FBN1: variants seen among roughly 807,000 people sequenced by gnomAD.
The protein encoded by FBN1 is fibrillin 1, also known as fibrillin-1.
A neutral mutation model predicts 365.1 loss-of-function variants in FBN1; 29 were observed. The ratio of observed to expected loss-of-function variants is 0.08; its 90% CI spans 0.06 to 0.11. FBN1 has a LOEUF of 0.11. Ranked by LOEUF, FBN1 falls within the 10% of genes least tolerant of loss-of-function variation. The pLI is 1.00. For synonymous variants in FBN1, 1,210 were observed against 1,270.5 expected (o/e 0.95, Z 1.01); for missense variants, 2,476 against 3,703.2 (o/e 0.67, Z 8.60).
At chr15:48,429,984 T>A (rs1302728255) in intron 56 of FBN1, among the ~76,000 whole-genome samples, 1 of 152,250 alleles carries the variant, frequency 6.6e-6, no homozygotes, top group Non-Finnish European at 1.5e-5. Context: ...GCTTTGTGGG[T>A]CATATGGTCT....
intron 6 of FBN1, among the ~76,000 whole-genome samples, chr15:48,564,338 A>T (rs1367448208): frequency 6.6e-6 from 1 of 152,190 alleles, no homozygotes; most frequent in Non-Finnish European, 1.5e-5. Context: ...TCAATAAAAC[A>T]AACTTATTAG....
At chr15:48,603,064 A>G (rs1370174502) in intron 4 of FBN1, among the ~76,000 whole-genome samples, 1 of 152,244 alleles carries the variant, frequency 6.6e-6, no homozygotes, top group East Asian at 1.9e-4. Flanking sequence ...GTGACTTTAC[A>G]TTATTTGTTC....
intron 2 of FBN1, chr15:48,642,225 A>G (rs1240596465): frequency 1.3e-5 from 2 of 152,300 alleles, no homozygotes; most frequent in Non-Finnish European, 2.9e-5. Context: ...TAAAAATACA[A>G]AAAATTAGCC....
chr15:48,619,487 T>C (rs12594364), intron 2 of FBN1, among the ~76,000 whole-genome samples: 21,071 of 151,834 alleles, frequency 0.14, 1,484 homozygotes, highest in Non-Finnish European at 0.15. Context: ...ATCTCCCCTT[T>C]CCTATCTGCC....
At chr15:48,613,528 C>G (rs1294880467) in intron 2 of FBN1, among the ~76,000 whole-genome samples, 1 of 152,098 alleles carries the variant, frequency 6.6e-6, no homozygotes, top group Non-Finnish European at 1.5e-5. Context: ...CATCTCACCT[C>G]TATAATTTTA....
intron 6 of FBN1, among the ~76,000 whole-genome samples, chr15:48,585,093 T>C (rs1265000511): frequency 2.0e-5 from 3 of 152,374 alleles, no homozygotes; most frequent in Admixed American, 6.5e-5. Flanking sequence ...GAAGAGCTAA[T>C]GTATGTTTAT....
chr15:48,468,450 G>C lies in FBN1; in HGVS notation c.4544C>G (p.Pro1515Arg), dbSNP rs774767316. 1 of 1,614,146 alleles carries C rather than the reference G, an allele frequency of 6.2e-7. No homozygotes were observed. The highest frequency in any genetic ancestry group is 8.5e-7 in the Non-Finnish European group (1 of 1,180,034). The change falls in exon 37 of 66, where the codon CCT (proline) becomes CGT (arginine). Residue 1515 changes from proline (P) to arginine (R), a missense_variant. Pro to Arg is a moderately radical substitution (Grantham distance 103). Around this residue, in one of 5 missense-constraint regions of FBN1, gnomAD observed 1,780 missense variants for 2,840.8 expected, o/e 0.63. Transcript: ENST00000316623. ...TCGAGTTGGGTTCAGTTCAAAATCA[G>C]GTGGGCAGTCACAGATATAGCTGCC... ...TPGSYICDCPPDFELNPTRVG... is the reference protein window; with the variant it reads ...TPGSYICDCPRDFELNPTRVG...
At chr15:48,544,350 T>C (rs1330911432) in intron 6 of FBN1, among the ~76,000 whole-genome samples, 1 of 152,232 alleles carries the variant, frequency 6.6e-6, no homozygotes, top group Admixed American at 6.5e-5. Context: ...AACTGTATTA[T>C]GCAAAATGTT....
chr15:48,502,027 T>G lies in FBN1; in HGVS notation c.2113+1760A>C, dbSNP rs1037890679. Among the ~76,000 whole-genome samples, 93 of 152,080 alleles carry G rather than the reference T, an allele frequency of 6.1e-4. 1 individual carries two copies. Among genetic ancestry groups the G allele is most frequent in the African/African-American group, 2.2e-3 (91 of 41,412 alleles). ...TTTTCTTTAAATAGGCATCCCTCAT[T>G]TCCTTTTTCTTTCTTTATTGAGACA... On this transcript the variant is annotated intron_variant, in intron 17 of 65. Coordinates refer to ENST00000316623, the MANE Select transcript of FBN1 (RefSeq NM_000138.5).
chr15:48,540,536 ACTGT>A (rs907857464), intron 6 of FBN1, among the ~76,000 whole-genome samples: 20 of 152,262 alleles, frequency 1.3e-4, no homozygotes, highest in Admixed American at 2.6e-4. Context: ...TAATTTTCTT[ACTGT>A]CTATCATTTA....
At position 48,412,647 on chromosome 15, in the gene FBN1, G is replaced by A. The variant is rs112642323; in HGVS notation, c.8148C>T (p.Tyr2716=). ...DDNSLSPEAC[Y]ECKINGYPKR... ...TGGGGTAGCCATTGATCTTACACTC[G>A]TAACAAGCCTCTGGGGAGAGTGAAT... Residue 2716 remains tyrosine, a synonymous_variant, in exon 65 of 66, where the codon TAC becomes TAT. Coordinates refer to ENST00000316623, the MANE Select transcript of FBN1 (RefSeq NM_000138.5). The A allele has an allele frequency of 2.5e-5, 41 of 1,614,126 alleles. 1 individual carries two copies. Among genetic ancestry groups the A allele is most frequent in the South Asian group, 1.3e-4 (12 of 91,086 alleles).
At chr15:48,485,856 C>T (rs1204906404) in intron 29 of FBN1, among the ~76,000 whole-genome samples, 1 of 152,160 alleles carries the variant, frequency 6.6e-6, no homozygotes, top group African/African-American at 2.4e-5. Context: ...TACAGTATCA[C>T]AAAAATGGGC....
At chr15:48,467,047 A>G (rs1020173901) in intron 38 of FBN1, among the ~76,000 whole-genome samples, 3 of 152,184 alleles carry the variant, frequency 2.0e-5, no homozygotes, top group African/African-American at 7.2e-5. Flanking sequence ...ATGAATGCTA[A>G]GGAACTTGCC....
At chr15:48,638,617 CTTT>C (rs34665953) in intron 2 of FBN1, among the ~76,000 whole-genome samples, 81 of 138,838 alleles carry the variant, frequency 5.8e-4, no homozygotes, top group Non-Finnish European at 6.6e-4. Flanking sequence ...TACATCAGAG[CTTT>C]TTTTTTTTTT....
chr15:48,417,473 C>CTTCCTTCCTTCCTTCCTTCCTTCCTTCCT (rs1350236230), intron 63 of FBN1, among the ~76,000 whole-genome samples: 2 of 103,878 alleles, frequency 1.9e-5, no homozygotes, highest in East Asian at 3.2e-4. Context: ...CCTTCCTTTC[C>CTTCCTTCCTTCCTTCCTTCCTTCCTTCCT]TTCCTTCCTT....
At chr15:48,420,558 C>A (rs775750074) in intron 63 of FBN1, 129 bp downstream of exon 63, 7 of 1,262,550 alleles carry the variant, frequency 5.5e-6, no homozygotes, top group Non-Finnish European at 6.9e-6. Flanking sequence ...GGGTTTCAAC[C>A]AGGTTAGGGC....
intron 8 of FBN1, 38 bp downstream of exon 8, chr15:48,534,042 C>T (rs779522635): frequency 1.2e-6 from 2 of 1,611,918 alleles, no homozygotes; most frequent in Non-Finnish European, 1.7e-6. Context: ...TGCCTGCCCC[C>T]ACTACACCCC....
intron 34 of FBN1, among the ~76,000 whole-genome samples, chr15:48,473,886 A>T (rs1393334932): frequency 6.6e-6 from 1 of 152,218 alleles, no homozygotes; most frequent in Admixed American, 6.5e-5. Flanking sequence ...ATCATTATAT[A>T]CAGTCATATA....
At chr15:48,416,567 G>C (rs1191717876) in intron 63 of FBN1, 1 of 152,372 alleles carries the variant, frequency 6.6e-6, no homozygotes, top group Non-Finnish European at 1.5e-5. Flanking sequence ...CCACAAGTGA[G>C]ACAGAAGCTG....
Sources: allele counts gnomAD v4.1 joint callset (sites outside exome capture counted in the v4.1 genomes callset), GRCh38; gene constraint gnomAD v4.1.1; regional missense constraint gnomAD v4.1.1; transcripts MANE v1.5; gene names NCBI Gene and HGNC (gene_info 2026-07-23, HGNC 2026-07-21).